Variants in THSD7A observed in about 807,000 individuals in gnomAD.
THSD7A encodes thrombospondin type-1 domain-containing protein 7A.
THSD7A carries 96 observed loss-of-function variants against 231.3 expected under a neutral mutation model. The observed-to-expected ratio is 0.41, with a 90% CI of 0.35 to 0.49. The LOEUF is 0.49. Among genes scored for constraint, THSD7A ranks in the 20% least tolerant of loss-of-function variants. The probability of loss-of-function intolerance (pLI) is 0.05; values close to 1 mark genes in which losing one functional copy is unlikely to be tolerated. For missense variants in THSD7A, 2,290 were observed against 2,070.2 expected, an observed-to-expected ratio of 1.11 and a Z score of -2.06; for synonymous variants, 940 against 743.3, an observed-to-expected ratio of 1.26 and a Z score of -4.30.
intron 1 of THSD7A, among the ~76,000 whole-genome samples, chr7:11,695,269 C>A (rs139762820): frequency 7.3e-5 from 11 of 151,360 alleles, no homozygotes; most frequent in Non-Finnish European, 1.0e-4. Context: ...GTTAGGATAT[C>A]GAGAGTCTAG....
chr7:11,533,635 C>G (rs1447250584), intron 6 of THSD7A, among the ~76,000 whole-genome samples: 4 of 152,082 alleles, frequency 2.6e-5, no homozygotes, highest in Non-Finnish European at 5.9e-5. Context: ...CAAATAAACA[C>G]AGGAAGATAA....
chr7:11,607,939 T>C (rs1780788139), intron 2 of THSD7A, among the ~76,000 whole-genome samples: 1 of 152,156 alleles, frequency 6.6e-6, no homozygotes, highest in Non-Finnish European at 1.5e-5. Context: ...AATGTGAGGA[T>C]ATCAGCATGG....
chr7:11,476,725 G>T (rs1426030834), intron 7 of THSD7A, among the ~76,000 whole-genome samples: 1 of 151,056 alleles, frequency 6.6e-6, no homozygotes, highest in Non-Finnish European at 1.5e-5. Context: ...TGAGGCAGGA[G>T]AATCGCTTGA....
Position 11,446,319 on chromosome 7 carries a change from T to G in THSD7A, c.2806A>C (p.Ser936Arg). ...TTTTTACATTTTTCCTTCTTTTTAC[T>G]TTTTCCTGTGGAAGAGAAACAATCA... is the stretch of plus-strand genomic sequence containing the variant. Reference protein sequence around the residue: ...RTRKRTLVGKSKKKEKCKNSH... With the variant: ...RTRKRTLVGKRKKKEKCKNSH... The change falls in exon 13 of 28, where the codon AGT (serine) becomes CGT (arginine). Residue 936 changes from serine (S) to arginine (R), a missense_variant. Ser to Arg is a moderately radical substitution (Grantham distance 110). Transcript: ENST00000423059. This position sits in a 1 kb window ranked among gnomAD's most constrained non-coding sequence, Gnocchi z 4.0. 1 of 1,608,924 alleles carries G rather than the reference T, an allele frequency of 6.2e-7. No homozygotes were observed. Among genetic ancestry groups the G allele is most frequent in the Non-Finnish European group, 8.5e-7 (1 of 1,176,508 alleles).
At chr7:11,473,392 T>C (rs570268553) in intron 8 of THSD7A, among the ~76,000 whole-genome samples, 297 of 152,252 alleles carry the variant, frequency 2.0e-3, no homozygotes, top group Non-Finnish European at 1.4e-3. Flanking sequence ...CAAAAACTGT[T>C]GGCCAGAGTA....
intron 1 of THSD7A, among the ~76,000 whole-genome samples, chr7:11,761,140 G>A (rs1176064143): frequency 6.6e-6 from 1 of 151,738 alleles, no homozygotes; most frequent in Non-Finnish European, 1.5e-5. Context: ...AGACAACTTT[G>A]ATTACATCAA....
intron 1 of THSD7A, among the ~76,000 whole-genome samples, chr7:11,796,443 T>C (rs138176997): frequency 5.5e-4 from 84 of 152,064 alleles, no homozygotes; most frequent in African/African-American, 1.9e-3. Context: ...GCTATTGTAA[T>C]TGCAATTTCA....
At chr7:11,584,748 T>G (rs1234933492) in intron 4 of THSD7A, among the ~76,000 whole-genome samples, 1 of 152,194 alleles carries the variant, frequency 6.6e-6, no homozygotes, top group Non-Finnish European at 1.5e-5. Flanking sequence ...TTCCCTTAAA[T>G]TAGTGTCCAA....
chr7:11,455,937 G>A (rs960533737), intron 11 of THSD7A, among the ~76,000 whole-genome samples: 2 of 151,974 alleles, frequency 1.3e-5, no homozygotes, highest in African/African-American at 4.8e-5. Context: ...AGTATTAAGA[G>A]TAAAAATGAA....
At position 11,510,231 on chromosome 7, in the gene THSD7A, C is replaced by G. The variant is rs140057261; in HGVS notation, c.1823-28249G>C. 1.3e-4 allele frequency among the ~76,000 whole-genome samples: 20 copies of G among 152,096 alleles called. 1 individual carries two copies. The highest frequency in any genetic ancestry group is 4.8e-4 in the African/African-American group (20 of 41,422). The stretch of plus-strand genomic sequence containing the variant: ...CTCCCAAGACTAAACCAGGAAGAAG[C>G]TGAATCCCTGAATAGACCAACAACA... On this transcript the variant is annotated intron_variant, in intron 6 of 27. Transcript: ENST00000423059.
intron 1 of THSD7A, among the ~76,000 whole-genome samples, chr7:11,721,405 G>T (rs538480233): frequency 4.0e-4 from 60 of 151,712 alleles, no homozygotes; most frequent in South Asian, 2.5e-3. Context: ...TCCACTTTTG[G>T]TCTCTTTCCT....
intron 1 of THSD7A, among the ~76,000 whole-genome samples, chr7:11,660,189 G>GT (rs1453418171): frequency 3.3e-5 from 5 of 151,624 alleles, no homozygotes; most frequent in Non-Finnish European, 7.4e-5. Context: ...CAGATAGAGA[G>GT]TAACAACTAT....
chr7:11,569,202 G>A (rs559615618), intron 4 of THSD7A, among the ~76,000 whole-genome samples: 1 of 152,234 alleles, frequency 6.6e-6, no homozygotes, highest in African/African-American at 2.4e-5. Context: ...AGAATAAAAT[G>A]TTTCTGCACA....
chr7:11,521,791 T>TA (rs1268030210), intron 6 of THSD7A, among the ~76,000 whole-genome samples: 2 of 149,998 alleles, frequency 1.3e-5, no homozygotes, highest in African/African-American at 4.9e-5. Flanking sequence ...AAATAGCAGG[T>TA]ATTCACTACC....
At chr7:11,388,216 G>A (rs369671625) in intron 23 of THSD7A, among the ~76,000 whole-genome samples, 1 of 152,004 alleles carries the variant, frequency 6.6e-6, no homozygotes, top group Non-Finnish European at 1.5e-5. Flanking sequence ...CATAAAATGA[G>A]GTAGGGAGGA....
chr7:11,607,731 C>A (rs1780780295), intron 2 of THSD7A, among the ~76,000 whole-genome samples: 1 of 152,050 alleles, frequency 6.6e-6, no homozygotes, highest in Non-Finnish European at 1.5e-5. Context: ...AAGTTAGAAG[C>A]AATAATTCTG....
chr7:11,562,201 G>T (rs1319686997), intron 4 of THSD7A, among the ~76,000 whole-genome samples: 1 of 152,084 alleles, frequency 6.6e-6, no homozygotes, highest in Non-Finnish European at 1.5e-5. Flanking sequence ...ATCTTTCAAA[G>T]CTAAATCATT....
intron 6 of THSD7A, among the ~76,000 whole-genome samples, chr7:11,523,872 T>C (rs969569427): frequency 2.8e-4 from 43 of 152,258 alleles, no homozygotes; most frequent in African/African-American, 7.7e-4. Flanking sequence ...TAGTACATAT[T>C]GTACACAATT....
intron 6 of THSD7A, among the ~76,000 whole-genome samples, chr7:11,499,102 G>A (rs941011406): frequency 2.0e-5 from 3 of 152,164 alleles, no homozygotes; most frequent in African/African-American, 7.2e-5. Flanking sequence ...GACTAATGAA[G>A]GAGCAAAGAC....
Sources: allele counts gnomAD v4.1 joint callset (sites outside exome capture counted in the v4.1 genomes callset), GRCh38; gene constraint gnomAD v4.1.1; non-coding constraint Gnocchi (gnomAD v3.1); transcripts MANE v1.5; gene names NCBI Gene and HGNC (gene_info 2026-07-23, HGNC 2026-07-21).